MACROD2: variants seen among roughly 807,000 people sequenced by gnomAD.
The protein encoded by MACROD2 is mono-ADP ribosylhydrolase 2.
A neutral mutation model predicts 70.4 loss-of-function variants in MACROD2; 36 were observed. The ratio of observed to expected loss-of-function variants is 0.51; its 90% confidence interval spans 0.39 to 0.68. The LOEUF is 0.68. MACROD2 is among the 30% of genes least tolerant of loss of function. The probability of loss-of-function intolerance (pLI) is 0.00; values close to 1 mark genes in which losing one functional copy is unlikely to be tolerated. For missense variants in MACROD2, 496 were observed against 538.4 expected, an observed-to-expected ratio of 0.92 and a Z score of 0.78; for synonymous variants, 172 against 178.8, an observed-to-expected ratio of 0.96 and a Z score of 0.30.
intron 12 of MACROD2, among the ~76,000 whole-genome samples, chr20:15,961,355 T>G (rs887606150): frequency 3.9e-5 from 6 of 152,084 alleles, no homozygotes; most frequent in African/African-American, 1.4e-4. Context: ...CTTGTCTCAC[T>G]CTCCAAACAG....
intron 5 of MACROD2, among the ~76,000 whole-genome samples, chr20:15,065,338 A>G (rs2075564891): frequency 6.6e-6 from 1 of 152,182 alleles, no homozygotes. Flanking sequence ...TTACATCAGG[A>G]TGATTTTCTT....
At chr20:14,272,752 C>T (rs1267714922) in intron 3 of MACROD2, among the ~76,000 whole-genome samples, 1 of 152,144 alleles carries the variant, frequency 6.6e-6, no homozygotes, top group Non-Finnish European at 1.5e-5. Context: ...GGAAACCCAT[C>T]TCACATGCAG....
intron 6 of MACROD2, among the ~76,000 whole-genome samples, chr20:15,284,687 A>G (rs951917069): frequency 6.6e-6 from 1 of 152,168 alleles, no homozygotes; most frequent in Admixed American, 6.5e-5. Flanking sequence ...CGAGTTGCCT[A>G]TGAAATGTAT....
In MACROD2 at chr20:15,316,355, A is replaced by T. The variant is rs570138437; in HGVS notation, c.540+86294A>T. Among the ~76,000 whole-genome samples the T allele has an allele frequency of 9.0e-4, 137 of 152,218 alleles. 1 individual carries two copies. The highest frequency in any genetic ancestry group is 3.4e-3 in the Middle Eastern group (1 of 294). On this transcript the variant is annotated intron_variant, in intron 6 of 17. Coordinates refer to ENST00000684519, the MANE Select transcript of MACROD2 (RefSeq NM_001351661.2). ...GTTCAAAGCAAAAATATGGATAAAG[A>T]TATTCCATGCAAGTAGTAACCAAAA...
At chr20:15,138,665 G>C (rs1362540544) in intron 5 of MACROD2, among the ~76,000 whole-genome samples, 3 of 152,130 alleles carry the variant, frequency 2.0e-5, no homozygotes, top group Non-Finnish European at 4.4e-5. Context: ...CTGCCAGCTT[G>C]GCATTGAATG....
intron 7 of MACROD2, among the ~76,000 whole-genome samples, chr20:15,493,538 T>C (rs540169940): frequency 2.0e-5 from 3 of 152,220 alleles, no homozygotes; most frequent in Non-Finnish European, 4.4e-5. Context: ...GAGTAAGTCA[T>C]GTCTATCTTT....
chr20:15,684,089 G>A (rs917902907), intron 8 of MACROD2, among the ~76,000 whole-genome samples: 12 of 152,008 alleles, frequency 7.9e-5, no homozygotes, highest in Non-Finnish European at 1.3e-4. Context: ...TGTTTAAATC[G>A]CTTTCCTCAT....
At chr20:15,094,170 G>A (rs1002390041) in intron 5 of MACROD2, among the ~76,000 whole-genome samples, 3 of 152,118 alleles carry the variant, frequency 2.0e-5, no homozygotes, top group African/African-American at 7.2e-5. Flanking sequence ...TTAGATATAT[G>A]TTGGCTTTGA....
chr20:15,196,115 G>A (rs1310264641), intron 5 of MACROD2, among the ~76,000 whole-genome samples: 1 of 152,126 alleles, frequency 6.6e-6, no homozygotes, highest in Non-Finnish European at 1.5e-5. Context: ...AGGAGGAATA[G>A]CTAATGGATG....
intron 3 of MACROD2, chr20:14,325,626 G>A (rs769046158): frequency 2.0e-5 from 32 of 1,613,486 alleles, no homozygotes; most frequent in African/African-American, 4.0e-5. Flanking sequence ...TGCTTTCACT[G>A]TGATTGTTTT....
intron 2 of MACROD2, among the ~76,000 whole-genome samples, chr20:14,078,697 C>T (rs1403412862): frequency 2.0e-5 from 3 of 152,178 alleles, no homozygotes; most frequent in Non-Finnish European, 2.9e-5. Context: ...CGTGAGCCAC[C>T]GTGCCCAGCC....
chr20:15,683,481 A>G (rs529593144), intron 8 of MACROD2, among the ~76,000 whole-genome samples: 1 of 152,248 alleles, frequency 6.6e-6, no homozygotes, highest in African/African-American at 2.4e-5. Flanking sequence ...TGGAAAATTA[A>G]CATAACCCTG....
chr20:15,346,108 T>A (rs202169714), intron 6 of MACROD2, among the ~76,000 whole-genome samples: 3 of 43,012 alleles, frequency 7.0e-5, no homozygotes, highest in Non-Finnish European at 1.1e-4. Context: ...AAGGTAAAAA[T>A]TTTTTTTTTT....
chr20:15,386,301 C>T (rs1296597111), intron 6 of MACROD2, among the ~76,000 whole-genome samples: 2 of 152,118 alleles, frequency 1.3e-5, no homozygotes, highest in Non-Finnish European at 2.9e-5. Flanking sequence ...TATATTAGCT[C>T]GTTTTCGTCT....
chr20:15,872,990 A>G lies in MACROD2; in HGVS notation c.727+10164A>G, dbSNP rs79205355. Among the ~76,000 whole-genome samples the G allele has an allele frequency of 1.7e-4, 26 of 152,250 alleles. No individual in the cohort carries two copies. The East Asian group carries it at 1.7e-3, about 10-fold the overall frequency. ...AGACCCAAAGTTTACTCAAAACCAT[A>G]CTATTGAACTTAGGAATTATTTCTG... is the stretch of plus-strand genomic sequence containing the variant. On this transcript the variant is annotated intron_variant, in intron 9 of 17. Coordinates refer to ENST00000684519, the MANE Select transcript of MACROD2 (RefSeq NM_001351661.2).
At chr20:15,354,816 C>T (rs1472829070) in intron 6 of MACROD2, among the ~76,000 whole-genome samples, 19 of 152,094 alleles carry the variant, frequency 1.2e-4, no homozygotes, top group Admixed American at 1.2e-3. Context: ...AGAAAAATTG[C>T]TTATATTCAT....
intron 3 of MACROD2, among the ~76,000 whole-genome samples, chr20:14,236,078 C>T (rs1032812986): frequency 2.0e-5 from 3 of 152,044 alleles, no homozygotes; most frequent in African/African-American, 7.2e-5. Flanking sequence ...AAAAACCCCT[C>T]CATACACATT....
chr20:14,345,561 G>T (rs2083055449), intron 3 of MACROD2, among the ~76,000 whole-genome samples: 1 of 151,722 alleles, frequency 6.6e-6, no homozygotes, highest in Non-Finnish European at 1.5e-5. Flanking sequence ...GGCTGGAGTA[G>T]CTGGGACTAC....
At chr20:15,100,515 T>C (rs550357737) in intron 5 of MACROD2, among the ~76,000 whole-genome samples, 69 of 152,314 alleles carry the variant, frequency 4.5e-4, no homozygotes, top group South Asian at 1.5e-3. Flanking sequence ...GCACCTCAAA[T>C]AGGCCAAGTA....
Sources: gnomAD v4.1 joint callset for allele counts (sites outside exome capture counted in the v4.1 genomes callset) on GRCh38, gnomAD v4.1.1 for gene constraint, MANE v1.5 for transcripts, NCBI Gene and HGNC (gene_info 2026-07-23, HGNC 2026-07-21) for gene names.